Variants in AGBL4 observed in about 807,000 individuals in gnomAD.
AGBL4 encodes the protein AGBL carboxypeptidase 4, also known as cytosolic carboxypeptidase 6.
In AGBL4, 58 loss-of-function variants were observed where a neutral mutation model predicts 66.4. The ratio of observed to expected loss-of-function variants is 0.87; its 90% CI spans 0.71 to 1.09. The LOEUF is 1.09. AGBL4 is among the 50% of genes least tolerant of loss of function. The probability of loss-of-function intolerance (pLI) is 0.00; values close to 1 mark genes in which losing one functional copy is unlikely to be tolerated. For synonymous variants in AGBL4, 234 were observed against 222.9 expected, an observed-to-expected ratio of 1.05 and a Z score of -0.44; for missense variants, 579 against 631.0, an observed-to-expected ratio of 0.92 and a Z score of 0.88.
At chr1:49,887,306 A>G (rs935531663) in intron 1 of AGBL4, among the ~76,000 whole-genome samples, 1 of 151,346 alleles carries the variant, frequency 6.6e-6, no homozygotes, top group Non-Finnish European at 1.5e-5. Context: ...AAAACTCCCT[A>G]TGTTAGGAAG....
chr1:49,899,374 A>C (rs903267206), intron 1 of AGBL4, among the ~76,000 whole-genome samples: 4 of 152,118 alleles, frequency 2.6e-5, no homozygotes, highest in Non-Finnish European at 5.9e-5. Context: ...AAAATAACTA[A>C]ATGAGTATAA....
intron 3 of AGBL4, among the ~76,000 whole-genome samples, chr1:49,614,230 G>A (rs561956028): frequency 6.6e-6 from 1 of 152,196 alleles, no homozygotes; most frequent in East Asian, 1.9e-4. Flanking sequence ...TCCTGCCAAG[G>A]ATAACCACTA....
chr1:49,254,916 G>A (rs924040055), intron 3 of AGBL4, among the ~76,000 whole-genome samples: 12 of 152,172 alleles, frequency 7.9e-5, no homozygotes, highest in Admixed American at 6.5e-5. Context: ...ATGGGGAAAC[G>A]ATTACTTATT....
chr1:48,772,798 C>T (rs984192710), intron 6 of AGBL4, among the ~76,000 whole-genome samples: 2 of 152,180 alleles, frequency 1.3e-5, no homozygotes, highest in Non-Finnish European at 2.9e-5. Flanking sequence ...TGAATGCAGG[C>T]AGTGATGGTG....
intron 3 of AGBL4, among the ~76,000 whole-genome samples, chr1:49,565,889 A>G (rs1370528574): frequency 6.6e-6 from 1 of 152,178 alleles, no homozygotes; most frequent in African/African-American, 2.4e-5. Context: ...AATATCCTGC[A>G]GAGTGTTTTC....
intron 6 of AGBL4, among the ~76,000 whole-genome samples, chr1:48,733,965 T>C (rs974511371): frequency 3.9e-5 from 6 of 152,096 alleles, no homozygotes; most frequent in Admixed American, 2.0e-4. Flanking sequence ...ATGGCAGGAA[T>C]AGACAGTTAT....
the AGBL4 span, among the ~76,000 whole-genome samples, chr1:48,523,514 C>T: frequency 1.2e-4 from 19 of 152,268 alleles, no homozygotes; most frequent in East Asian, 3.7e-3. Context: ...GGCTTAAATC[C>T]AGGCTCTGGG....
intron 4 of AGBL4, among the ~76,000 whole-genome samples, chr1:49,087,376 G>A (rs1446611447): frequency 6.6e-6 from 1 of 152,086 alleles, no homozygotes; most frequent in African/African-American, 2.4e-5. Flanking sequence ...AAGATGAAAT[G>A]GTCATTTTAA....
chr1:50,001,157 G>GTA lies in AGBL4; in HGVS notation c.34+22604_34+22605dup, dbSNP rs149505436. 1.4e-3 allele frequency among the ~76,000 whole-genome samples: 206 copies of GTA among 148,268 alleles called. 1 individual carries two copies. The highest frequency in any genetic ancestry group is 3.0e-3 in the African/African-American group (123 of 40,686). On this transcript the variant is annotated intron_variant, in intron 1 of 13. Transcript: ENST00000371839. Reference sequence around the variant, plus strand: ...CTGTATATGTGGTATGACCACATGTGTATATATATATATATGCACACTAAG... The same window carrying GTA: ...CTGTATATGTGGTATGACCACATGTGTATATATATATATATATGCACACTAAG...
At chr1:49,222,815 T>C (rs1471675804) in intron 4 of AGBL4, among the ~76,000 whole-genome samples, 1 of 152,238 alleles carries the variant, frequency 6.6e-6, no homozygotes, top group African/African-American at 2.4e-5. Context: ...TTTAACAAAG[T>C]AACTCATTTT....
Position 48,700,810 on chromosome 1 carries a change from C to T in AGBL4, c.635-37569G>A, listed in dbSNP as rs193148621. ...TAATTATTATCCCATTTATACAAGG[C>T]AGGAAACTGAGTCTCAGGGAGGTGA... On this transcript the variant is annotated intron_variant, in intron 6 of 13. Coordinates refer to ENST00000371839, the MANE Select transcript of AGBL4 (RefSeq NM_032785.4). Among the ~76,000 whole-genome samples the T allele has an allele frequency of 5.3e-5, 8 of 152,294 alleles. No individual in the cohort carries two copies. In the East Asian group the frequency reaches 1.5e-3, roughly 29 times the overall value.
At chr1:48,567,033 C>A (rs183429690) in intron 11 of AGBL4, among the ~76,000 whole-genome samples, 1 of 152,268 alleles carries the variant, frequency 6.6e-6, no homozygotes, top group Non-Finnish European at 1.5e-5. Context: ...CACACACACA[C>A]CCTATTTGTC....
intron 6 of AGBL4, among the ~76,000 whole-genome samples, chr1:48,803,217 T>C (rs1298321061): frequency 2.0e-5 from 3 of 152,172 alleles, no homozygotes; most frequent in Non-Finnish European, 4.4e-5. Context: ...GCCCACTTAT[T>C]TGTCCATCTC....
At chr1:48,955,870 A>G (rs1215249787) in intron 5 of AGBL4, among the ~76,000 whole-genome samples, 1 of 152,258 alleles carries the variant, frequency 6.6e-6, no homozygotes, top group East Asian at 1.9e-4. Flanking sequence ...CAGGTGTAAA[A>G]TGTCCAGCAA....
At chr1:49,323,004 A>G (rs1645157753) in intron 3 of AGBL4, among the ~76,000 whole-genome samples, 1 of 152,250 alleles carries the variant, frequency 6.6e-6, no homozygotes, top group Non-Finnish European at 1.5e-5. Flanking sequence ...AAAATTTAAA[A>G]TGAATTTTTA....
chr1:49,592,554 T>C (rs1398147865), intron 3 of AGBL4, among the ~76,000 whole-genome samples: 1 of 152,018 alleles, frequency 6.6e-6, no homozygotes, highest in East Asian at 1.9e-4. Flanking sequence ...GGGTACACAG[T>C]GAGGCTCTGT....
chr1:49,488,328 T>C (rs1647112343), intron 3 of AGBL4, among the ~76,000 whole-genome samples: 1 of 151,548 alleles, frequency 6.6e-6, no homozygotes, highest in South Asian at 2.1e-4. Flanking sequence ...TGTATATTAA[T>C]CTAGTATCCA....
chr1:49,579,207 C>T (rs1293015475), intron 3 of AGBL4, among the ~76,000 whole-genome samples: 1 of 152,150 alleles, frequency 6.6e-6, no homozygotes, highest in East Asian at 1.9e-4. Flanking sequence ...ACTTAATAAA[C>T]TCATCTATAT....
Position 49,323,448 on chromosome 1 carries a change from A to ATTTT in AGBL4, c.283-77588_283-77585dup, listed in dbSNP as rs11295329. Among the ~76,000 whole-genome samples the ATTTT allele has an allele frequency of 4.4e-5, 5 of 114,888 alleles. 1 individual carries two copies. Among genetic ancestry groups the ATTTT allele is most frequent in the African/African-American group, 1.0e-4 (3 of 29,248 alleles). 75.4% of individuals were successfully genotyped at this position (114,888 alleles called of 152,430 possible). On this transcript the variant is annotated intron_variant, in intron 3 of 13. Coordinates refer to ENST00000371839, the MANE Select transcript of AGBL4 (RefSeq NM_032785.4). ...AGGCGCACGCCGCCATGCCTGGCTA[A>ATTTT]TTTTTTTTTTTTTTTTTTTTTTGTA... is the stretch of plus-strand genomic sequence containing the variant.
Sources: gnomAD v4.1 joint callset for allele counts (sites outside exome capture counted in the v4.1 genomes callset) on GRCh38, gnomAD v4.1.1 for gene constraint, MANE v1.5 for transcripts, NCBI Gene and HGNC (gene_info 2026-07-23, HGNC 2026-07-21) for gene names.